TBX15: variants seen among roughly 807,000 people sequenced by gnomAD.
TBX15 encodes T-box transcription factor TBX15.
TBX15 carries 18 observed loss-of-function variants against 53.9 expected under a neutral mutation model. The observed-to-expected ratio is 0.33, with a 90% confidence interval of 0.23 to 0.49. TBX15 has a LOEUF of 0.49. Ranked by LOEUF, TBX15 falls within the 20% of genes least tolerant of loss-of-function variation. The pLI, the probability that TBX15 is intolerant of heterozygous loss-of-function variation, is 0.98. For synonymous variants in TBX15, 295 were observed against 278.0 expected, an observed-to-expected ratio of 1.06 and a Z score of -0.61; for missense variants, 692 against 749.5, an observed-to-expected ratio of 0.92 and a Z score of 0.90.
Position 118,985,917 on chromosome 1 carries a change from C to T in TBX15, c.205+1674G>A, listed in dbSNP as rs369908068. On this transcript the variant is annotated intron_variant, in intron 1 of 7. Transcript: ENST00000369429. Reference sequence around the variant, plus strand: ...TTCTGCCTCCTGAATGGAGCTCAGGCTAAGGAGAACGGCAGAAAGAGCAAA... The same window carrying T: ...TTCTGCCTCCTGAATGGAGCTCAGGTTAAGGAGAACGGCAGAAAGAGCAAA... 2.4e-4 allele frequency among the ~76,000 whole-genome samples: 36 copies of T among 152,256 alleles called. No individual in the cohort carries two copies. In the South Asian group the frequency reaches 7.2e-3, roughly 31 times the overall value.
At chr1:118,984,523 C>T (rs1039205447) in intron 1 of TBX15, among the ~76,000 whole-genome samples, 1 of 150,636 alleles carries the variant, frequency 6.6e-6, no homozygotes, top group South Asian at 2.1e-4. Flanking sequence ...CAGCAATATA[C>T]TTGCAAGGCC....
chr1:118,952,217 G>A (rs1054513995), intron 1 of TBX15, among the ~76,000 whole-genome samples: 7 of 152,100 alleles, frequency 4.6e-5, no homozygotes, highest in Admixed American at 1.3e-4. Context: ...CTTATTGTAA[G>A]AATATAGTAT....
rs80000927 is a variant in TBX15 at position 118,917,704 on chromosome 1, C to A, written c.862-3525G>T. The stretch of plus-strand genomic sequence containing the variant: ...CTCTTGACTGAACTATTCTATGTAG[C>A]CTTAGAACTGAACTCCTTTCTTCCA... On this transcript the variant is annotated intron_variant, in intron 5 of 7. Coordinates refer to ENST00000369429, the MANE Select transcript of TBX15 (RefSeq NM_001330677.2). 4.6e-5 allele frequency among the ~76,000 whole-genome samples: 7 copies of A among 152,254 alleles called. No homozygotes were observed. The East Asian group carries it at 1.2e-3, about 25-fold the overall frequency.
At chr1:118,935,809 C>T (rs1364664534) in intron 1 of TBX15, among the ~76,000 whole-genome samples, 1 of 152,134 alleles carries the variant, frequency 6.6e-6, no homozygotes, top group Non-Finnish European at 1.5e-5. Flanking sequence ...AATAAAAGAA[C>T]TTTTAATTTA....
chr1:118,945,950 T>C (rs977157804), intron 1 of TBX15, among the ~76,000 whole-genome samples: 5 of 152,348 alleles, frequency 3.3e-5, no homozygotes, highest in Non-Finnish European at 4.4e-5. Context: ...TATATTAAAG[T>C]ATTACTTTAT....
intron 7 of TBX15, among the ~76,000 whole-genome samples, chr1:118,896,729 T>A (rs916892071): frequency 1.3e-5 from 2 of 152,180 alleles, no homozygotes; most frequent in Non-Finnish European, 2.9e-5. Context: ...TGCAAAGCAG[T>A]TCAGCATGCA....
chr1:118,920,296 A>G (rs552495667), intron 5 of TBX15, among the ~76,000 whole-genome samples: 1 of 152,248 alleles, frequency 6.6e-6, no homozygotes, highest in South Asian at 2.1e-4. Context: ...AACTGGGGAG[A>G]GCTCATTTGC....
In TBX15 at chr1:118,987,883, G is replaced by C. The variant is rs1299180457; in HGVS notation, c.-88C>G. ...AAGCTCTGAGCGCCCACCGGGCCCGGCCCGGGAGAGGCGGAGGCGCGTCGG... is the reference window on the plus strand; with the variant it reads ...AAGCTCTGAGCGCCCACCGGGCCCGCCCCGGGAGAGGCGGAGGCGCGTCGG... On this transcript the variant is annotated 5_prime_UTR_variant, in exon 1 of 8. Coordinates refer to ENST00000369429, the MANE Select transcript of TBX15 (RefSeq NM_001330677.2). 2.7e-6 allele frequency: 4 copies of C among 1,493,038 alleles called. No homozygotes were observed. In the South Asian group the frequency reaches 3.7e-5, roughly 14 times the overall value. 92.5% of individuals were successfully genotyped at this position (1,493,038 alleles called of 1,614,324 possible). A position where few individuals can be genotyped will look rare whatever the true frequency, so the allele number is the denominator to read the frequency against.
intron 6 of TBX15, among the ~76,000 whole-genome samples, chr1:118,908,345 G>T (rs967493682): frequency 4.0e-5 from 6 of 151,294 alleles, no homozygotes; most frequent in Non-Finnish European, 7.4e-5. Context: ...ATTCTAGTAG[G>T]GGGCAGAGCC....
intron 5 of TBX15, among the ~76,000 whole-genome samples, chr1:118,920,483 C>G (rs190472785): frequency 1.1e-4 from 17 of 152,168 alleles, no homozygotes; most frequent in African/African-American, 4.1e-4. Flanking sequence ...GACCAGATTG[C>G]GACACTCTTG....
chr1:118,893,412 AGAAGGAAAGAAAGAT>A, intron 7 of TBX15, among the ~76,000 whole-genome samples: 1 of 137,962 alleles, frequency 7.2e-6, no homozygotes, highest in Admixed American at 7.1e-5. Flanking sequence ...AAAGAAAGGA[AGAAGGAAAGAAAGAT>A]GGAAGGAAGG....
intron 7 of TBX15, among the ~76,000 whole-genome samples, chr1:118,887,268 C>T (rs1264081756): frequency 6.6e-6 from 1 of 152,188 alleles, no homozygotes; most frequent in African/African-American, 2.4e-5. Context: ...TCCTTTAGAT[C>T]ACCTACCCAC....
At chr1:118,960,334 C>A (rs765311438) in intron 1 of TBX15, among the ~76,000 whole-genome samples, 2 of 152,172 alleles carry the variant, frequency 1.3e-5, no homozygotes, top group South Asian at 2.1e-4. Flanking sequence ...GTTTCGAGAG[C>A]CCCATGCATT....
intron 1 of TBX15, among the ~76,000 whole-genome samples, chr1:118,971,288 T>C (rs151173039): frequency 2.6e-4 from 39 of 152,344 alleles, no homozygotes; most frequent in Non-Finnish European, 5.0e-4. Flanking sequence ...ATTCCTATTA[T>C]AGAGATTCCA....
chr1:118,920,873 C>A (rs1410396634), intron 5 of TBX15, among the ~76,000 whole-genome samples: 2 of 152,148 alleles, frequency 1.3e-5, no homozygotes, highest in African/African-American at 4.8e-5. Context: ...ACCTGGGTGA[C>A]AAAATGGAAG....
At chr1:118,919,395 C>T (rs1655350413) in intron 5 of TBX15, among the ~76,000 whole-genome samples, 1 of 152,192 alleles carries the variant, frequency 6.6e-6, no homozygotes, top group South Asian at 2.1e-4. Flanking sequence ...ACACCTTTCT[C>T]TCTGCCATAG....
At chr1:118,896,151 T>C (rs1421911575) in intron 7 of TBX15, among the ~76,000 whole-genome samples, 1 of 152,142 alleles carries the variant, frequency 6.6e-6, no homozygotes, top group Non-Finnish European at 1.5e-5. Flanking sequence ...CCAAGACGAT[T>C]TTTCTTCTTC....
intron 1 of TBX15, among the ~76,000 whole-genome samples, chr1:118,945,609 C>T (rs920233150): frequency 6.6e-6 from 1 of 152,326 alleles, no homozygotes; most frequent in Admixed American, 6.5e-5. Flanking sequence ...CTCTCCCATT[C>T]CTGGGCAAGA....
At chr1:118,977,128 A>C (rs761498079) in intron 1 of TBX15, among the ~76,000 whole-genome samples, 80 of 152,250 alleles carry the variant, frequency 5.3e-4, no homozygotes, top group Non-Finnish European at 7.3e-5. Context: ...ACAACTAGCA[A>C]GTGTTAAAAC....
Sources: allele counts gnomAD v4.1 joint callset (sites outside exome capture counted in the v4.1 genomes callset), GRCh38; gene constraint gnomAD v4.1.1; transcripts MANE v1.5; gene names NCBI Gene and HGNC (gene_info 2026-07-23, HGNC 2026-07-21).